LRFN5: variants seen among roughly 807,000 people sequenced by gnomAD.
LRFN5 encodes leucine rich repeat and fibronectin type III domain containing 5, also known as leucine-rich repeat and fibronectin type-III domain-containing protein 5.
A neutral mutation model predicts 45.6 loss-of-function variants in LRFN5; 24 were observed. The ratio of observed to expected loss-of-function variants is 0.53; its 90% CI spans 0.38 to 0.74. The LOEUF is 0.74. Among genes scored for constraint, LRFN5 ranks in the 30% least tolerant of loss-of-function variants. The probability of loss-of-function intolerance (pLI) is 0.00; values close to 1 mark genes in which losing one functional copy is unlikely to be tolerated. For synonymous variants in LRFN5, 340 were observed against 313.8 expected (o/e 1.08, Z -0.88); for missense variants, 776 against 861.5 (o/e 0.90, Z 1.24).
At chr14:41,655,166 G>A (rs1252841294) in intron 1 of LRFN5, among the ~76,000 whole-genome samples, 1 of 151,984 alleles carries the variant, frequency 6.6e-6, no homozygotes, top group Non-Finnish European at 1.5e-5. Flanking sequence ...TTCCATTGGT[G>A]TAGGGGAGAT....
intron 1 of LRFN5, among the ~76,000 whole-genome samples, chr14:41,712,246 A>G (rs1883314194): frequency 6.6e-6 from 1 of 152,042 alleles, no homozygotes; most frequent in Non-Finnish European, 1.5e-5. Flanking sequence ...AAAACTCTGT[A>G]AGATTTATAA....
chr14:41,699,157 G>A (rs181058766), intron 1 of LRFN5, among the ~76,000 whole-genome samples: 1 of 152,096 alleles, frequency 6.6e-6, no homozygotes, highest in Admixed American at 6.6e-5. Flanking sequence ...TTAACGTACA[G>A]AGGAATCGCC....
chr14:41,885,294 C>G (rs1390314808), intron 2 of LRFN5, among the ~76,000 whole-genome samples: 1 of 147,282 alleles, frequency 6.8e-6, no homozygotes, highest in Admixed American at 6.8e-5. Flanking sequence ...CACTGCACTG[C>G]ACAGCTTGGG....
chr14:41,799,981 A>T (rs1273558245), intron 2 of LRFN5, among the ~76,000 whole-genome samples: 1 of 152,014 alleles, frequency 6.6e-6, no homozygotes, highest in East Asian at 1.9e-4. Flanking sequence ...AGGGACAGGG[A>T]AGGGAAGGAA....
chr14:41,759,685 A>T (rs1300122650), intron 1 of LRFN5, among the ~76,000 whole-genome samples: 1 of 152,146 alleles, frequency 6.6e-6, no homozygotes, highest in Non-Finnish European at 1.5e-5. Context: ...AATGCCATTG[A>T]TGTGGTCTGG....
intron 1 of LRFN5, among the ~76,000 whole-genome samples, chr14:41,643,782 C>T (rs1381290084): frequency 6.6e-6 from 1 of 152,044 alleles, no homozygotes. Flanking sequence ...TTTTAACCCT[C>T]TGCTTTAAAC....
intron 1 of LRFN5, among the ~76,000 whole-genome samples, chr14:41,762,768 T>G (rs1025555434): frequency 6.6e-6 from 1 of 152,114 alleles, no homozygotes; most frequent in Non-Finnish European, 1.5e-5. Flanking sequence ...TATAAATAAG[T>G]AATTGAATGA....
intron 5 of LRFN5, 115 bp downstream of exon 5, chr14:41,899,075 T>C (rs780175534): frequency 2.1e-5 from 16 of 777,970 alleles, no homozygotes; most frequent in Non-Finnish European, 3.2e-5. Flanking sequence ...AATTTTCTTT[T>C]AAAATTTACT....
At chr14:41,645,435 A>G (rs1033432609) in intron 1 of LRFN5, among the ~76,000 whole-genome samples, 6 of 152,136 alleles carry the variant, frequency 3.9e-5, no homozygotes, top group African/African-American at 1.2e-4. Context: ...GGGTTTCATC[A>G]TGTTGGCCAG....
At chr14:41,674,023 C>T (rs535755997) in intron 1 of LRFN5, among the ~76,000 whole-genome samples, 5 of 140,992 alleles carry the variant, frequency 3.5e-5, no homozygotes, top group Non-Finnish European at 7.7e-5. Flanking sequence ...CGGTGGCTGC[C>T]GGGCAGAGAG....
intron 1 of LRFN5, among the ~76,000 whole-genome samples, chr14:41,750,267 TTATATATATATATATATATA>T (rs60275061): frequency 6.9e-6 from 1 of 144,384 alleles, no homozygotes; most frequent in South Asian, 2.1e-4. Context: ...GTAACTTTTC[TTATATATATATATATATATA>T]TATATATATA....
intron 2 of LRFN5, among the ~76,000 whole-genome samples, chr14:41,827,865 ACTTT>A (rs1888351154): frequency 6.6e-6 from 1 of 151,946 alleles, no homozygotes. Flanking sequence ...CTGTTCTCCT[ACTTT>A]ATTTTAGCAG....
At chr14:41,663,854 TA>T (rs1276135779) in intron 1 of LRFN5, among the ~76,000 whole-genome samples, 2 of 152,002 alleles carry the variant, frequency 1.3e-5, no homozygotes, top group African/African-American at 4.8e-5. Context: ...TGAACTCATA[TA>T]AAAATGAAAT....
intron 1 of LRFN5, among the ~76,000 whole-genome samples, chr14:41,734,372 A>G (rs1378637891): frequency 9.0e-6 from 1 of 110,952 alleles, no homozygotes; most frequent in Non-Finnish European, 1.9e-5. Context: ...TTATTGATGA[A>G]TTGACCTTTT....
intron 1 of LRFN5, among the ~76,000 whole-genome samples, chr14:41,704,477 TCTCA>T (rs1882982172): frequency 7.3e-6 from 1 of 137,750 alleles, no homozygotes; most frequent in Non-Finnish European, 1.6e-5. Context: ...AGATTTGAAG[TCTCA>T]CTATGTTGCC....
intron 4 of LRFN5, chr14:41,893,563 G>C (rs1455621400): frequency 4.1e-6 from 4 of 985,082 alleles, no homozygotes; most frequent in Non-Finnish European, 1.2e-6. Context: ...TTTCAGATCA[G>C]TTGAAATACC....
At chr14:41,655,124 T>C (rs1435909372) in intron 1 of LRFN5, among the ~76,000 whole-genome samples, 1 of 152,014 alleles carries the variant, frequency 6.6e-6, no homozygotes, top group East Asian at 1.9e-4. Context: ...TATACTCTTA[T>C]AGCTACGTAC....
chr14:41,847,562 A>T (rs1473816713), intron 2 of LRFN5, among the ~76,000 whole-genome samples: 1 of 152,052 alleles, frequency 6.6e-6, no homozygotes, highest in African/African-American at 2.4e-5. Context: ...CTTTATTACA[A>T]ATAATACTTT....
intron 2 of LRFN5, among the ~76,000 whole-genome samples, chr14:41,793,538 A>G (rs1373394237): frequency 6.6e-6 from 1 of 151,936 alleles, no homozygotes; most frequent in Non-Finnish European, 1.5e-5. Context: ...CATTCAAGAG[A>G]CCCATAAGAC....
Sources: gnomAD v4.1 joint callset for allele counts (sites outside exome capture counted in the v4.1 genomes callset) on GRCh38, gnomAD v4.1.1 for gene constraint, MANE v1.5 for transcripts, NCBI Gene and HGNC (gene_info 2026-07-23, HGNC 2026-07-21) for gene names.